Variants in TEAD4 observed in about 807,000 individuals in gnomAD.
TEAD4 encodes the protein transcriptional enhancer factor TEF-3.
TEAD4 carries 36 observed loss-of-function variants against 52.4 expected under a neutral mutation model. The ratio of observed to expected loss-of-function variants is 0.69; its 90% CI spans 0.53 to 0.91. The LOEUF (loss-of-function observed/expected upper bound fraction) is 0.91. TEAD4 is among the 40% of genes least tolerant of loss of function. TEAD4 has a pLI of 0.00. For synonymous variants in TEAD4, 220 were observed against 231.0 expected, an observed-to-expected ratio of 0.95 and a Z score of 0.43; for missense variants, 508 against 583.9, an observed-to-expected ratio of 0.87 and a Z score of 1.34.
chr12:2,970,714 G>A (rs1196253077), intron 2 of TEAD4, among the ~76,000 whole-genome samples: 2 of 152,194 alleles, frequency 1.3e-5, no homozygotes, highest in Non-Finnish European at 2.9e-5. Flanking sequence ...CTGGAAGTGA[G>A]AAATGACAGC....
chr12:2,997,138 C>G (rs2098247897), intron 3 of TEAD4, among the ~76,000 whole-genome samples: 1 of 152,130 alleles, frequency 6.6e-6, no homozygotes, highest in African/African-American at 2.4e-5. Flanking sequence ...AGCATGCCTT[C>G]CATTGTGAAT....
chr12:2,999,525 A>G (rs763397233), intron 3 of TEAD4, among the ~76,000 whole-genome samples: 3 of 152,150 alleles, frequency 2.0e-5, no homozygotes, highest in Non-Finnish European at 4.4e-5. Context: ...ACGGCAGATT[A>G]ACACCTGCTA....
At chr12:3,008,420 G>A (rs2153956390) in intron 3 of TEAD4, among the ~76,000 whole-genome samples, 1 of 152,294 alleles carries the variant, frequency 6.6e-6, no homozygotes, top group Middle Eastern at 3.4e-3. Flanking sequence ...GAACTGGGGT[G>A]GCCAGATCCT....
intron 3 of TEAD4, among the ~76,000 whole-genome samples, chr12:3,004,767 ACAG>A (rs1458662593): frequency 6.6e-5 from 10 of 152,192 alleles, no homozygotes; most frequent in Admixed American, 3.3e-4. Flanking sequence ...CAAGATTTTC[ACAG>A]GAGTGACAGG....
rs751953483 is a variant in TEAD4 at position 2,995,009 on chromosome 12, G to A, written c.226+17G>A. 1 of 1,610,052 alleles carries A rather than the reference G, an allele frequency of 6.2e-7. No homozygotes were observed. Among genetic ancestry groups the A allele is most frequent in the Admixed American group, 1.7e-5 (1 of 59,922 alleles). On this transcript the variant is annotated intron_variant, in intron 3 of 12. Transcript: ENST00000359864. ...AGATGTATGGTAAGGAGCCCGTCGG[G>A]TTCAGCCCTGTACCTGAGGCTGAGG... is the stretch of plus-strand genomic sequence containing the variant.
intron 2 of TEAD4, among the ~76,000 whole-genome samples, chr12:2,981,596 T>C (rs896831692): frequency 6.6e-6 from 1 of 152,214 alleles, no homozygotes; most frequent in Non-Finnish European, 1.5e-5. Context: ...CATCCCCATC[T>C]GAAGTCTGAG....
At chr12:2,982,666 G>A (rs186607341) in intron 2 of TEAD4, among the ~76,000 whole-genome samples, 4 of 152,328 alleles carry the variant, frequency 2.6e-5, no homozygotes, top group African/African-American at 4.8e-5. Context: ...AGTGACGGCT[G>A]TGAACCTGGA....
At position 2,960,332 on chromosome 12, in the gene TEAD4, C is replaced by T. The variant is rs897422294; in HGVS notation, c.-30+292C>T. The T allele has an allele frequency of 9.1e-6, 9 of 985,378 alleles. No homozygotes were observed. The East Asian group carries it at 3.4e-4, about 37-fold the overall frequency. The allele number at this position is 985,378 out of a possible 1,614,324, so 61.0% of individuals were successfully genotyped here. On this transcript the variant is annotated intron_variant, in intron 2 of 12. Transcript: ENST00000359864. ...TCTTTTCTGCTGGGCCCTTTTCGAG[C>T]CTGGAAGGGAGAGACCTGGAGGTAA... is the stretch of plus-strand genomic sequence containing the variant.
At chr12:3,004,450 A>T (rs751287959) in intron 3 of TEAD4, among the ~76,000 whole-genome samples, 34 of 152,184 alleles carry the variant, frequency 2.2e-4, no homozygotes, top group Admixed American at 8.5e-4. Context: ...CACGTGGTCC[A>T]GCCCTGCTTC....
chr12:2,975,382 TTATTATTATTATTATTATTAC>T (rs2098228790), intron 2 of TEAD4, among the ~76,000 whole-genome samples: 2 of 146,926 alleles, frequency 1.4e-5, no homozygotes, highest in African/African-American at 5.2e-5. Flanking sequence ...ATTATTATTA[TTATTATTATTATTATTATTAC>T]TAGAGATGGA....
intron 10 of TEAD4, among the ~76,000 whole-genome samples, chr12:3,033,815 G>A (rs754737605): frequency 1.2e-4 from 18 of 152,218 alleles, no homozygotes; most frequent in Non-Finnish European, 2.4e-4. Context: ...GCCAAGAAGC[G>A]TAGCTTGTTT....
intron 2 of TEAD4, among the ~76,000 whole-genome samples, chr12:2,967,144 T>C (rs1282832398): frequency 1.3e-5 from 2 of 152,136 alleles, no homozygotes; most frequent in African/African-American, 4.8e-5. Flanking sequence ...TTAAAATTAA[T>C]ATATGTACAT....
chr12:3,000,921 C>T (rs1205065844), intron 3 of TEAD4, among the ~76,000 whole-genome samples: 2 of 152,224 alleles, frequency 1.3e-5, no homozygotes, highest in African/African-American at 2.4e-5. Flanking sequence ...ACAGAGGTCA[C>T]GGAGTTTCAC....
intron 2 of TEAD4, among the ~76,000 whole-genome samples, chr12:2,962,028 C>G (rs1456884331): frequency 6.6e-6 from 1 of 151,984 alleles, no homozygotes; most frequent in African/African-American, 2.4e-5. Flanking sequence ...CCAGTTTTGC[C>G]TTGGCCCCAG....
At chr12:3,025,598 G>A (rs1003636427) in intron 10 of TEAD4, among the ~76,000 whole-genome samples, 6 of 151,676 alleles carry the variant, frequency 4.0e-5, no homozygotes, top group East Asian at 1.9e-4. Context: ...GTGCAGTGGC[G>A]CAATCTTGGC....
At chr12:2,962,305 TAA>T (rs1424438519) in intron 2 of TEAD4, among the ~76,000 whole-genome samples, 3,854 of 117,734 alleles carry the variant, frequency 0.033, 208 homozygotes, top group African/African-American at 0.11. Flanking sequence ...TATATAAATA[TAA>T]ATATATAAAT....
Position 3,029,924 on chromosome 12 carries a change from CT to C in TEAD4, c.897+7908del, listed in dbSNP as rs1316869870. ...GTGTTTACTGGACTTTTTTTTCCCC[CT>C]GAGGTGATTTAGTTTCTCCAGAGAC... On this transcript the variant is annotated intron_variant, in intron 10 of 12. Transcript: ENST00000359864. 4.6e-5 allele frequency among the ~76,000 whole-genome samples: 7 copies of C among 152,064 alleles called. No individual in the cohort carries two copies. In the East Asian group the frequency reaches 9.7e-4, roughly 21 times the overall value.
chr12:2,964,353 C>G (rs1055230772), intron 2 of TEAD4, among the ~76,000 whole-genome samples: 1 of 152,168 alleles, frequency 6.6e-6, no homozygotes, highest in Non-Finnish European at 1.5e-5. Context: ...TGGCTGTGAG[C>G]CTTGGGCAGT....
At chr12:3,008,851 AC>A (rs1214361609) in intron 3 of TEAD4, among the ~76,000 whole-genome samples, 3 of 152,124 alleles carry the variant, frequency 2.0e-5, no homozygotes, top group Admixed American at 6.5e-5. Context: ...CAGAGGAGCA[AC>A]CAAGAACCGT....
Sources: allele counts gnomAD v4.1 joint callset (sites outside exome capture counted in the v4.1 genomes callset), GRCh38; gene constraint gnomAD v4.1.1; transcripts MANE v1.5; gene names NCBI Gene and HGNC (gene_info 2026-07-23, HGNC 2026-07-21).